Variants in NEK10 observed in about 807,000 individuals in gnomAD.
NEK10 encodes the protein serine/threonine-protein kinase Nek10.
In NEK10, 122 loss-of-function variants were observed where a neutral mutation model predicts 159.8. The observed-to-expected ratio is 0.76, with a 90% CI of 0.66 to 0.89. NEK10 has a LOEUF of 0.89. Ranked by LOEUF, NEK10 falls within the 40% of genes least tolerant of loss-of-function variation. The pLI is 0.00. For synonymous variants in NEK10, 466 were observed against 457.1 expected, an observed-to-expected ratio of 1.02 and a Z score of -0.25; for missense variants, 1,342 against 1,323.1, an observed-to-expected ratio of 1.01 and a Z score of -0.22.
At chr3:27,145,720 T>C (rs1944234395) in intron 30 of NEK10, among the ~76,000 whole-genome samples, 1 of 152,116 alleles carries the variant, frequency 6.6e-6, no homozygotes. Flanking sequence ...TCTGCTCCTT[T>C]ATTGGTGTAG....
At chr3:27,366,812 T>A (rs1019996744) in intron 1 of NEK10, among the ~76,000 whole-genome samples, 3 of 149,228 alleles carry the variant, frequency 2.0e-5, no homozygotes, top group African/African-American at 7.4e-5. Flanking sequence ...TGTTCATTTT[T>A]TTTTTTTTTT....
chr3:27,137,799 G>T (rs147669874), intron 31 of NEK10, among the ~76,000 whole-genome samples: 2 of 152,290 alleles, frequency 1.3e-5, no homozygotes, highest in Non-Finnish European at 2.9e-5. Context: ...AAACTTGATA[G>T]ATAAGACCCA....
intron 29 of NEK10, among the ~76,000 whole-genome samples, chr3:27,165,676 T>C (rs1266639157): frequency 6.6e-6 from 1 of 152,220 alleles, no homozygotes; most frequent in African/African-American, 2.4e-5. Context: ...AGACCTAGTG[T>C]GACCTCATCT....
At chr3:27,139,287 T>C (rs1943540648) in intron 31 of NEK10, among the ~76,000 whole-genome samples, 1 of 152,156 alleles carries the variant, frequency 6.6e-6, no homozygotes, top group Non-Finnish European at 1.5e-5. Context: ...AGCTTGCCAC[T>C]CTGTGTCTGA....
intron 28 of NEK10, among the ~76,000 whole-genome samples, chr3:27,172,305 AG>A (rs556875564): frequency 3.7e-5 from 5 of 136,738 alleles, no homozygotes; most frequent in Non-Finnish European, 7.6e-5. Context: ...ACTGCACTCC[AG>A]CCTGGTGACA....
chr3:27,181,169 T>C (rs1038661388), intron 26 of NEK10, among the ~76,000 whole-genome samples: 3 of 152,028 alleles, frequency 2.0e-5, no homozygotes, highest in African/African-American at 7.2e-5. Context: ...CTCCATGCAG[T>C]CAAAAATCTA....
intron 7 of NEK10, among the ~76,000 whole-genome samples, chr3:27,313,913 T>C (rs2044925618): frequency 6.6e-6 from 1 of 152,272 alleles, no homozygotes; most frequent in East Asian, 1.9e-4. Context: ...GGTTTCACCA[T>C]GTTGGCCAGG....
At chr3:27,259,443 C>T (rs149465972) in intron 22 of NEK10, among the ~76,000 whole-genome samples, 40,435 of 152,072 alleles carry the variant, frequency 0.27, 5,519 homozygotes, top group Middle Eastern at 0.38. Flanking sequence ...ATATGGCTAG[C>T]GAGTTTTCCC....
At chr3:27,295,753 G>A in intron 14 of NEK10, 63 bp from the exon 15 acceptor site, 6 of 1,461,178 alleles carry the variant, frequency 4.1e-6, no homozygotes, top group South Asian at 1.4e-5. Context: ...AGCAAAAAGA[G>A]GCAAATAAAC....
At chr3:27,281,421 T>G (rs2042151888) in intron 22 of NEK10, among the ~76,000 whole-genome samples, 1 of 151,428 alleles carries the variant, frequency 6.6e-6, no homozygotes, top group Non-Finnish European at 1.5e-5. Flanking sequence ...TTTTCCAGAG[T>G]GATAAAATAC....
intron 30 of NEK10, among the ~76,000 whole-genome samples, chr3:27,159,286 G>A (rs1418123150): frequency 6.6e-6 from 1 of 152,100 alleles, no homozygotes; most frequent in African/African-American, 2.4e-5. Flanking sequence ...GGAATTTAAT[G>A]TTGTCTTTCT....
intron 24 of NEK10, among the ~76,000 whole-genome samples, chr3:27,201,827 T>C (rs891126000): frequency 6.6e-6 from 1 of 152,090 alleles, no homozygotes; most frequent in African/African-American, 2.4e-5. Context: ...TGGGATAATA[T>C]AAGGTGCTGG....
chr3:27,126,624 C>T (rs1394736361), intron 32 of NEK10, among the ~76,000 whole-genome samples: 4 of 152,064 alleles, frequency 2.6e-5, no homozygotes, highest in African/African-American at 7.3e-5. Context: ...CCACCCTTCC[C>T]CAGTCCTACT....
chr3:27,301,030 G>C (rs1559461217), intron 13 of NEK10, among the ~76,000 whole-genome samples: 1 of 152,036 alleles, frequency 6.6e-6, no homozygotes, highest in Non-Finnish European at 1.5e-5. Context: ...TCTCCTGCTG[G>C]CCCATACCAC....
At chr3:27,159,349 T>C (rs1340438251) in intron 30 of NEK10, among the ~76,000 whole-genome samples, 3 of 152,184 alleles carry the variant, frequency 2.0e-5, no homozygotes, top group Non-Finnish European at 4.4e-5. Flanking sequence ...AGTGATACTA[T>C]ACTGGTTCTC....
chr3:27,346,290 G>T, intron 3 of NEK10, 74 bp from the exon 4 acceptor site: 1 of 1,483,712 alleles, frequency 6.7e-7, no homozygotes, highest in Non-Finnish European at 9.3e-7. Context: ...AAAATATGGG[G>T]AGGATGAAGA....
chr3:27,211,539 T>C (rs1159389083), intron 23 of NEK10, among the ~76,000 whole-genome samples: 1 of 152,172 alleles, frequency 6.6e-6, no homozygotes, highest in African/African-American at 2.4e-5. Context: ...GGGGTGTCAG[T>C]TGTCCTTTCC....
At chr3:27,258,751 G>C (rs1007082242) in intron 22 of NEK10, among the ~76,000 whole-genome samples, 3 of 152,182 alleles carry the variant, frequency 2.0e-5, no homozygotes, top group Non-Finnish European at 4.4e-5. Context: ...GGATGGCTGG[G>C]TCAAATGCTA....
chr3:27,290,791 C>G, intron 18 of NEK10, 37 bp from the exon 19 acceptor site: 1 of 1,521,164 alleles, frequency 6.6e-7, no homozygotes, highest in Non-Finnish European at 9.0e-7. Context: ...ACAAAAGGAA[C>G]AGGGTAAAGA....
Sources: gnomAD v4.1 joint callset for allele counts (sites outside exome capture counted in the v4.1 genomes callset) on GRCh38, gnomAD v4.1.1 for gene constraint, MANE v1.5 for transcripts, NCBI Gene and HGNC (gene_info 2026-07-23, HGNC 2026-07-21) for gene names.